DGKH: variants seen among roughly 807,000 people sequenced by gnomAD.
DGKH encodes DAG kinase eta.
A neutral mutation model predicts 159.3 loss-of-function variants in DGKH; 90 were observed. The observed-to-expected ratio is 0.57, with a 90% CI of 0.48 to 0.67. DGKH has a LOEUF of 0.67. Among genes scored for constraint, DGKH ranks in the 30% least tolerant of loss-of-function variants. The probability of loss-of-function intolerance (pLI) is 0.00; values close to 1 mark genes in which losing one functional copy is unlikely to be tolerated. For missense variants in DGKH, 1,181 were observed against 1,506.1 expected (o/e 0.78, Z 3.57); for synonymous variants, 536 against 553.8 (o/e 0.97, Z 0.45).
At chr13:42,141,670 A>G (rs998518284) in intron 3 of DGKH, among the ~76,000 whole-genome samples, 1 of 152,026 alleles carries the variant, frequency 6.6e-6, no homozygotes. Context: ...GCATTTTTTC[A>G]TGTGTCTTTT....
At chr13:42,080,695 T>A (rs1189517501) in intron 1 of DGKH, among the ~76,000 whole-genome samples, 1 of 152,172 alleles carries the variant, frequency 6.6e-6, no homozygotes, top group Middle Eastern at 3.2e-3. Flanking sequence ...TGTGACTATT[T>A]ATTTGCCTGT....
chr13:42,129,787 A>G (rs1955251575), intron 3 of DGKH, among the ~76,000 whole-genome samples, 155 bp downstream of exon 3: 1 of 152,224 alleles, frequency 6.6e-6, no homozygotes, highest in Non-Finnish European at 1.5e-5. Flanking sequence ...TGTATATTCT[A>G]ACACCCAGTA....
At chr13:42,219,372 C>T (rs761430534) in intron 27 of DGKH, 23 bp downstream of exon 27, 2 of 1,611,772 alleles carry the variant, frequency 1.2e-6, no homozygotes, top group South Asian at 1.1e-5. Context: ...CAGCCTGTTT[C>T]TCTAGAAATG....
intron 1 of DGKH, among the ~76,000 whole-genome samples, chr13:42,072,921 C>T (rs1054603672): frequency 1.3e-5 from 2 of 152,052 alleles, no homozygotes; most frequent in Non-Finnish European, 2.9e-5. Context: ...TGATCACCAC[C>T]GAATACACTA....
chr13:42,058,511 C>T (rs972682124), intron 1 of DGKH, among the ~76,000 whole-genome samples: 6 of 152,166 alleles, frequency 3.9e-5, no homozygotes, highest in South Asian at 2.1e-4. Context: ...AGTGAGCCAG[C>T]GGCATAGAAT....
chr13:42,218,674 A>T (rs1957876333), intron 26 of DGKH, among the ~76,000 whole-genome samples: 1 of 151,834 alleles, frequency 6.6e-6, no homozygotes, highest in South Asian at 2.1e-4. Flanking sequence ...ATGCCTAACT[A>T]ATTTTTGTAT....
intron 3 of DGKH, among the ~76,000 whole-genome samples, chr13:42,151,088 C>G (rs1240437707): frequency 1.3e-5 from 2 of 152,038 alleles, no homozygotes; most frequent in Non-Finnish European, 2.9e-5. Flanking sequence ...TCGAGAGTCT[C>G]TGGAAGGAAT....
intron 12 of DGKH, among the ~76,000 whole-genome samples, chr13:42,175,592 T>C (rs1264752211): frequency 6.6e-6 from 1 of 152,248 alleles, no homozygotes; most frequent in Non-Finnish European, 1.5e-5. Context: ...TATTTACTTT[T>C]ATCACGTGTA....
chr13:42,210,946 C>T (rs1957643442), intron 24 of DGKH, among the ~76,000 whole-genome samples, 181 bp downstream of exon 24: 2 of 152,146 alleles, frequency 1.3e-5, no homozygotes, highest in South Asian at 4.1e-4. Context: ...TTACACTATA[C>T]TACCTACTTA....
intron 1 of DGKH, among the ~76,000 whole-genome samples, chr13:42,101,407 T>C (rs187999531): frequency 6.6e-6 from 1 of 152,244 alleles, no homozygotes; most frequent in African/African-American, 2.4e-5. Flanking sequence ...ACTAGCTACA[T>C]GTGGCTATTT....
At chr13:42,040,889 C>T (rs1022079654) in intron 1 of DGKH, among the ~76,000 whole-genome samples, 1 of 147,936 alleles carries the variant, frequency 6.8e-6, no homozygotes, top group Non-Finnish European at 1.5e-5. Flanking sequence ...CGCGATGGAG[C>T]CTCAGCACGT....
At chr13:42,133,914 A>G (rs968380826) in intron 3 of DGKH, among the ~76,000 whole-genome samples, 2 of 152,106 alleles carry the variant, frequency 1.3e-5, no homozygotes, top group Non-Finnish European at 2.9e-5. Flanking sequence ...AATTATTGTG[A>G]CTGCTACTGA....
intron 1 of DGKH, among the ~76,000 whole-genome samples, chr13:42,092,748 G>C (rs748186191): frequency 6.6e-6 from 1 of 152,062 alleles, no homozygotes; most frequent in Non-Finnish European, 1.5e-5. Context: ...AAAAATAATC[G>C]TAATGTTACA....
intron 29 of DGKH, 134 bp downstream of exon 29, chr13:42,221,528 C>G: frequency 8.6e-7 from 1 of 1,169,434 alleles, no homozygotes. Flanking sequence ...ATTCACTGTC[C>G]TGTGGTCTGA....
intron 29 of DGKH, among the ~76,000 whole-genome samples, chr13:42,225,634 A>G (rs1958104553): frequency 6.6e-6 from 1 of 151,890 alleles, no homozygotes; most frequent in Admixed American, 6.6e-5. Context: ...TTAGCTGGGC[A>G]TGGTGGTGCA....
At chr13:42,178,334 C>A in intron 13 of DGKH, 114 bp downstream of exon 13, 1 of 765,966 alleles carries the variant, frequency 1.3e-6, no homozygotes, top group Non-Finnish European at 2.0e-6. Context: ...TTGGAAGTAG[C>A]TTATAAAATT....
chr13:42,082,000 A>G (rs549227261), intron 1 of DGKH, among the ~76,000 whole-genome samples: 1 of 152,066 alleles, frequency 6.6e-6, no homozygotes, highest in Non-Finnish European at 1.5e-5. Context: ...CACCCCACAA[A>G]GTTCATTCAC....
Position 42,112,313 on chromosome 13 carries a change from G to A in DGKH, c.193-15150G>A, listed in dbSNP as rs115262968. Among the ~76,000 whole-genome samples the A allele has an allele frequency of 1.8e-4, 18 of 102,348 alleles. No individual in the cohort carries two copies. In the East Asian group the frequency reaches 3.0e-3, roughly 17 times the overall value. The allele number at this position is 102,348 out of a possible 152,430, so 67.1% of individuals were successfully genotyped here. ...TTTTTTTTTTTTTTGACTTAGTCTC[G>A]TTCTGTTGCCCAGGCTGGAGTGCAG... On this transcript the variant is annotated intron_variant, in intron 1 of 29. Transcript: ENST00000337343.
rs184737256 is a variant in DGKH, at chr13:42,231,000, A to G, written c.*1812A>G. On this transcript the variant is annotated 3_prime_UTR_variant, in exon 30 of 30. Transcript: ENST00000337343. ...TTCCTGACCAAGTATGTCTGACTAT[A>G]TATTTTACCTAAGTTGTAAATAAAT... 6.6e-6 allele frequency: 1 copy of G among 152,204 alleles called. No homozygotes were observed. The highest frequency in any genetic ancestry group is 1.5e-5 in the Non-Finnish European group (1 of 68,036). 9.4% of individuals were successfully genotyped at this position (152,204 alleles called of 1,614,324 possible). A position where few individuals can be genotyped will look rare whatever the true frequency, so the allele number is the denominator to read the frequency against.
Sources: gnomAD v4.1 joint callset for allele counts (sites outside exome capture counted in the v4.1 genomes callset) on GRCh38, gnomAD v4.1.1 for gene constraint, MANE v1.5 for transcripts, NCBI Gene and HGNC (gene_info 2026-07-23, HGNC 2026-07-21) for gene names.